The following AGL variants were observed in gnomAD, a reference collection of about 807,000 sequenced individuals.
The protein encoded by AGL is amylo-alpha-1,6-glucosidase and 4-alpha-glucanotransferase.
AGL carries 128 observed loss-of-function variants against 199.3 expected under a neutral mutation model. The observed-to-expected ratio is 0.64, with a 90% confidence interval of 0.56 to 0.74. AGL has a LOEUF of 0.74. AGL is among the 30% of genes least tolerant of loss of function. The pLI is 0.00. For synonymous variants in AGL, 584 were observed against 594.7 expected (o/e 0.98, Z 0.26); for missense variants, 1,809 against 1,820.8 (o/e 0.99, Z 0.12).
intron 2 of AGL, among the ~76,000 whole-genome samples, chr1:99,860,820 T>C (rs1219588634): frequency 6.6e-6 from 1 of 152,196 alleles, no homozygotes; most frequent in African/African-American, 2.4e-5. Context: ...AGATTGCCCA[T>C]GTCGGGATTA....
chr1:99,897,657 A>T (rs1378076870), intron 25 of AGL, among the ~76,000 whole-genome samples: 6 of 152,212 alleles, frequency 3.9e-5, no homozygotes. Context: ...TGAATTACTG[A>T]TTTAGAAGAA....
At chr1:99,855,827 A>G (rs1223114926) in intron 2 of AGL, among the ~76,000 whole-genome samples, 2 of 152,176 alleles carry the variant, frequency 1.3e-5, no homozygotes, top group Admixed American at 6.5e-5. Context: ...AATGAACAAA[A>G]TAAGTACTTC....
At chr1:99,856,321 T>TCCC (rs1649428060) in intron 2 of AGL, among the ~76,000 whole-genome samples, 1 of 32,272 alleles carries the variant, frequency 3.1e-5, no homozygotes, top group Non-Finnish European at 5.2e-5. Flanking sequence ...CCTCCCTCCC[T>TCCC]TCCTTCCTCC....
chr1:99,908,136 T>C (rs1265176776), intron 27 of AGL, among the ~76,000 whole-genome samples: 4 of 152,154 alleles, frequency 2.6e-5, no homozygotes, highest in East Asian at 3.8e-4. Flanking sequence ...AAGAATTTTA[T>C]AGTTTTAACT....
At chr1:99,906,219 G>A (rs148526272) in intron 27 of AGL, among the ~76,000 whole-genome samples, 253 of 152,008 alleles carry the variant, frequency 1.7e-3, no homozygotes, top group African/African-American at 5.7e-3. Flanking sequence ...TCATATAAGC[G>A]GAATCATACA....
chr1:99,869,968 G>A (rs181320414), intron 5 of AGL, among the ~76,000 whole-genome samples: 13 of 152,260 alleles, frequency 8.5e-5, no homozygotes, highest in African/African-American at 3.1e-4. Flanking sequence ...CTTCAATGTT[G>A]TAAATATTTG....
At chr1:99,911,550 C>T (rs1654755338) in intron 28 of AGL, among the ~76,000 whole-genome samples, 1 of 152,156 alleles carries the variant, frequency 6.6e-6, no homozygotes, top group Admixed American at 6.5e-5. Flanking sequence ...TCAAGCAATT[C>T]TCCTGTCTCA....
In AGL at chr1:99,881,341, C is replaced by A; in HGVS notation, c.2051C>A (p.Ala684Glu). The A allele has an allele frequency of 6.2e-7, 1 of 1,614,132 alleles. No homozygotes were observed. The highest frequency in any genetic ancestry group is 8.5e-7 in the Non-Finnish European group (1 of 1,180,006). ...TTTTACACTAAGTGGAATCCTGAAG[C>A]ATTGCCTTCAAACACAGGTGAAGTT... The part of the protein sequence containing the change: ...ERFYTKWNPE[A>E]LPSNTGEVNF... The change falls in exon 16 of 34, where the codon GCA becomes GAA. Residue 684 changes from alanine (A) to glutamate (E), a missense_variant. By Grantham distance (107) the Ala-to-Glu change is moderately radical (BLOSUM62 -1). Coordinates refer to ENST00000361915, the MANE Select transcript of AGL (RefSeq NM_000642.3).
At chr1:99,860,488 G>C (rs1294048042) in intron 2 of AGL, among the ~76,000 whole-genome samples, 1 of 151,982 alleles carries the variant, frequency 6.6e-6, no homozygotes, top group South Asian at 2.1e-4. Flanking sequence ...TTATAAAGAA[G>C]GTTTAAAGTC....
chr1:99,852,618 C>T (rs559914201), intron 2 of AGL: 19 of 746,448 alleles, frequency 2.5e-5, no homozygotes, highest in Middle Eastern at 2.3e-4. Flanking sequence ...TCAAGCAACC[C>T]TCCCTCTTTG....
At chr1:99,851,876 A>T (rs1315832369) in intron 2 of AGL, among the ~76,000 whole-genome samples, 1 of 151,242 alleles carries the variant, frequency 6.6e-6, no homozygotes, top group Non-Finnish European at 1.5e-5. Context: ...AATTTCGCTA[A>T]TGTTTTAAGA....
chr1:99,889,166 C>T (rs373110659), intron 21 of AGL, among the ~76,000 whole-genome samples: 58 of 152,226 alleles, frequency 3.8e-4, no homozygotes, highest in African/African-American at 1.2e-3. Flanking sequence ...GCTCATTAGA[C>T]GACACCTAAT....
At chr1:99,875,529 A>G (rs889093672) in intron 10 of AGL, 74 bp downstream of exon 10, 26 of 1,282,352 alleles carry the variant, frequency 2.0e-5, no homozygotes, top group Non-Finnish European at 2.6e-5. Context: ...AAATTAACCT[A>G]AATGTTTTCT....
intron 12 of AGL, among the ~76,000 whole-genome samples, chr1:99,878,577 C>A (rs1167213607): frequency 6.6e-6 from 1 of 151,870 alleles, no homozygotes. Context: ...TAATTTTCAT[C>A]CTGCTTATAA....
At chr1:99,900,589 T>A (rs765008115) in intron 25 of AGL, 47 bp from the exon 26 acceptor site, 1 of 1,559,730 alleles carries the variant, frequency 6.4e-7, no homozygotes. Context: ...TCTTCAATTT[T>A]TAAGTGTTTG....
At chr1:99,852,771 A>T (rs891014160) in intron 2 of AGL, 2 of 777,142 alleles carry the variant, frequency 2.6e-6, no homozygotes, top group Admixed American at 3.4e-5. Context: ...TTAATAATAC[A>T]TGAATTTTTT....
chr1:99,883,462 A>G (rs1652206561), intron 17 of AGL, among the ~76,000 whole-genome samples: 1 of 152,170 alleles, frequency 6.6e-6, no homozygotes, highest in African/African-American at 2.4e-5. Flanking sequence ...ATATTTTGGT[A>G]TATTCATACA....
At chr1:99,853,236 C>G (rs1333963715) in intron 2 of AGL, among the ~76,000 whole-genome samples, 1 of 152,190 alleles carries the variant, frequency 6.6e-6, no homozygotes, top group African/African-American at 2.4e-5. Context: ...TGAGACTACA[C>G]CTTCCTTAGC....
At chr1:99,912,357 C>A in intron 28 of AGL, 48 bp from the exon 29 acceptor site, 1 of 1,438,346 alleles carries the variant, frequency 7.0e-7, no homozygotes, top group Non-Finnish European at 9.8e-7. Context: ...TTAAATAGTA[C>A]TTAAAGGACG....
Sources: gnomAD v4.1 joint callset for allele counts (sites outside exome capture counted in the v4.1 genomes callset) on GRCh38, gnomAD v4.1.1 for gene constraint, MANE v1.5 for transcripts, NCBI Gene and HGNC (gene_info 2026-07-23, HGNC 2026-07-21) for gene names.